The following PCSK6 variants were observed in gnomAD, a reference collection of about 807,000 sequenced individuals.
PCSK6 encodes paired basic amino acid cleaving enzyme 4.
PCSK6 carries 85 observed loss-of-function variants against 123.3 expected under a neutral mutation model. The observed-to-expected ratio is 0.69, with a 90% CI of 0.58 to 0.83. PCSK6 has a LOEUF of 0.83. PCSK6 is among the 40% of genes least tolerant of loss of function. The pLI, the probability that PCSK6 is intolerant of heterozygous loss-of-function variation, is 0.00. For synonymous variants in PCSK6, 508 were observed against 516.0 expected, an observed-to-expected ratio of 0.98 and a Z score of 0.21; for missense variants, 1,191 against 1,282.3, an observed-to-expected ratio of 0.93 and a Z score of 1.09.
chr15:101,416,176 T>C (rs1431124829), intron 6 of PCSK6, among the ~76,000 whole-genome samples: 3 of 152,162 alleles, frequency 2.0e-5, no homozygotes, highest in Non-Finnish European at 4.4e-5. Flanking sequence ...ATATGAACAG[T>C]AAGGTCCATG....
chr15:101,414,628 A>G (rs2055821857), intron 6 of PCSK6, among the ~76,000 whole-genome samples: 1 of 152,198 alleles, frequency 6.6e-6, no homozygotes, highest in Admixed American at 6.5e-5. Flanking sequence ...ACTGTGTTTA[A>G]AGAGTAACAG....
chr15:101,310,677 A>G (rs2039836014), intron 20 of PCSK6, among the ~76,000 whole-genome samples: 1 of 152,122 alleles, frequency 6.6e-6, no homozygotes, highest in South Asian at 2.1e-4. Context: ...AACCGCCACC[A>G]GGTCCCTCTG....
chr15:101,331,593 A>T, intron 15 of PCSK6, 58 bp downstream of exon 15: 5 of 1,527,542 alleles, frequency 3.3e-6, no homozygotes, highest in Non-Finnish European at 4.5e-6. Context: ...GGGCATATAG[A>T]CCCTGCTCTC....
At chr15:101,356,691 A>C (rs1387214858) in intron 13 of PCSK6, among the ~76,000 whole-genome samples, 1 of 79,332 alleles carries the variant, frequency 1.3e-5, no homozygotes, top group Non-Finnish European at 3.4e-5. Flanking sequence ...ATAAATAAAT[A>C]AATAAATAAA....
At chr15:101,373,543 A>G (rs979303081) in intron 11 of PCSK6, among the ~76,000 whole-genome samples, 15 of 152,222 alleles carry the variant, frequency 9.9e-5, no homozygotes, top group African/African-American at 3.6e-4. Context: ...TATTGAAACC[A>G]TTAACCTAAC....
intron 18 of PCSK6, among the ~76,000 whole-genome samples, chr15:101,319,822 C>T (rs994941892): frequency 4.6e-5 from 7 of 152,328 alleles, no homozygotes; most frequent in South Asian, 2.1e-4. Context: ...CCTCACCCTC[C>T]GCATCTCTTC....
chr15:101,447,216 C>T (rs996908220), intron 1 of PCSK6, among the ~76,000 whole-genome samples: 31 of 152,140 alleles, frequency 2.0e-4, no homozygotes, highest in African/African-American at 7.2e-4. Context: ...GAGGCTGTTC[C>T]TTCACATCTC....
At chr15:101,429,748 C>G (rs1464711666) in intron 5 of PCSK6, among the ~76,000 whole-genome samples, 1 of 152,226 alleles carries the variant, frequency 6.6e-6, no homozygotes, top group Non-Finnish European at 1.5e-5. Context: ...GTCAAACACC[C>G]ATTTCTAGCT....
chr15:101,465,520 C>T (rs1187148674), intron 1 of PCSK6, among the ~76,000 whole-genome samples: 5 of 152,126 alleles, frequency 3.3e-5, no homozygotes, highest in East Asian at 1.9e-4. Context: ...TCTGAGCTGG[C>T]GGGATGAGGG....
intron 7 of PCSK6, among the ~76,000 whole-genome samples, chr15:101,397,942 C>A (rs1481353747): frequency 6.6e-6 from 1 of 152,258 alleles, no homozygotes; most frequent in African/African-American, 2.4e-5. Context: ...GACACCCCGA[C>A]CACTGCTTCC....
At chr15:101,401,338 G>A (rs1227726780) in intron 6 of PCSK6, among the ~76,000 whole-genome samples, 1 of 152,236 alleles carries the variant, frequency 6.6e-6, no homozygotes, top group African/African-American at 2.4e-5. Context: ...TGTAACTTCA[G>A]TGTTATCTAT....
intron 1 of PCSK6, among the ~76,000 whole-genome samples, chr15:101,460,663 C>A (rs1414711426): frequency 6.6e-6 from 1 of 152,176 alleles, no homozygotes; most frequent in African/African-American, 2.4e-5. Flanking sequence ...AGCACACCCC[C>A]CAAATGTCTA....
rs1348837844 is a variant in PCSK6 at position 101,398,665 on chromosome 15, A to G, written c.824-89T>C. The G allele has an allele frequency of 3.6e-6, 5 of 1,388,174 alleles. No individual in the cohort carries two copies. In the Middle Eastern group the frequency reaches 7.3e-4, roughly 202 times the overall value. 86.0% of individuals were successfully genotyped at this position (1,388,174 alleles called of 1,614,324 possible). A position where few individuals can be genotyped will look rare whatever the true frequency, so the allele number is the denominator to read the frequency against. On this transcript the variant is annotated intron_variant, in intron 6 of 21. Transcript: ENST00000611716. This position sits in a 1 kb window ranked among gnomAD's most constrained non-coding sequence, Gnocchi z 4.6. The stretch of plus-strand genomic sequence containing the variant: ...GGGCCCAGGAGGCTCGGATGAGGAC[A>G]CCGCATCACAGAGTCCCTCCCCAGC...
chr15:101,327,369 G>A (rs2040280144), intron 15 of PCSK6, among the ~76,000 whole-genome samples: 1 of 152,188 alleles, frequency 6.6e-6, no homozygotes. Flanking sequence ...CGGGGGCGGG[G>A]CACGCTGCAG....
At position 101,307,326 on chromosome 15, in the gene PCSK6, C is replaced by G. The variant is rs201230665; in HGVS notation, c.2700-1G>C. ...ACAGCTCAAGCAGTTCTCGTCACACCTGTGGGAAGATACCGTTCCTGCTGA... is the reference window on the plus strand; with the variant it reads ...ACAGCTCAAGCAGTTCTCGTCACACGTGTGGGAAGATACCGTTCCTGCTGA... On this transcript the variant is annotated splice_acceptor_variant, in intron 20 of 21. Coordinates refer to ENST00000611716, the MANE Select transcript of PCSK6 (RefSeq NM_002570.5). LOFTEE classifies it high-confidence loss of function. The G allele has an allele frequency of 6.2e-7, 1 of 1,610,166 alleles. No homozygotes were observed. The highest frequency in any genetic ancestry group is 2.2e-5 in the East Asian group (1 of 44,802).
chr15:101,403,429 A>T (rs912647478), intron 6 of PCSK6, among the ~76,000 whole-genome samples: 173 of 34,376 alleles, frequency 5.0e-3, no homozygotes, highest in African/African-American at 9.5e-3. Flanking sequence ...AATAATAATT[A>T]AAAAAAAAGA....
chr15:101,455,076 A>G (rs2057143731), intron 1 of PCSK6, among the ~76,000 whole-genome samples: 1 of 152,240 alleles, frequency 6.6e-6, no homozygotes, highest in Non-Finnish European at 1.5e-5. Flanking sequence ...ACAACGTGAA[A>G]ATACTAAATG....
At chr15:101,459,192 G>A (rs2057270481) in intron 1 of PCSK6, among the ~76,000 whole-genome samples, 1 of 152,154 alleles carries the variant, frequency 6.6e-6, no homozygotes, top group Admixed American at 6.5e-5. Flanking sequence ...AAACTCCTCT[G>A]CACCTTTGGT....
At chr15:101,316,266 G>A (rs1425279832) in intron 19 of PCSK6, 1 of 152,222 alleles carries the variant, frequency 6.6e-6, no homozygotes, top group Non-Finnish European at 1.5e-5. Context: ...AGAACCCCAG[G>A]CCAGAGGGCA....
Sources: allele counts gnomAD v4.1 joint callset (sites outside exome capture counted in the v4.1 genomes callset), GRCh38; gene constraint gnomAD v4.1.1; non-coding constraint Gnocchi (gnomAD v3.1); transcripts MANE v1.5; gene names NCBI Gene and HGNC (gene_info 2026-07-23, HGNC 2026-07-21).